The following UGT1A5 variants were observed in gnomAD, a reference collection of about 807,000 sequenced individuals.
The protein encoded by UGT1A5 is UDP-glucuronosyltransferase 1A5.
UGT1A5 carries 29 observed loss-of-function variants against 40.3 expected under a neutral mutation model. The observed-to-expected ratio is 0.72, with a 90% CI of 0.54 to 0.98. The LOEUF is 0.98. Among genes scored for constraint, UGT1A5 ranks in the 50% least tolerant of loss-of-function variants. The pLI is 0.00. For synonymous variants in UGT1A5, 257 were observed against 262.5 expected (o/e 0.98, Z 0.20); for missense variants, 678 against 677.9 (o/e 1.00, Z 0.00).
At chr2:233,724,493 G>A (rs1411892457) in intron 1 of UGT1A5, among the ~76,000 whole-genome samples, 16 of 76,170 alleles carry the variant, frequency 2.1e-4, no homozygotes, top group South Asian at 6.4e-4. Flanking sequence ...CGGGGCGGCC[G>A]GGCAGAGACG....
At chr2:233,761,229 T>C in intron 1 of UGT1A5, 2 of 1,613,382 alleles carry the variant, frequency 1.2e-6, no homozygotes, top group Non-Finnish European at 1.7e-6. Flanking sequence ...TAGCCCCAGA[T>C]ATATGCTGAG....
At position 233,769,547 on chromosome 2, in the gene UGT1A5, G is replaced by A; in HGVS notation, c.1307+1108G>A. 1 of 1,612,856 alleles carries A rather than the reference G, an allele frequency of 6.2e-7. No individual in the cohort carries two copies. Among genetic ancestry groups the A allele is most frequent in the Non-Finnish European group, 8.5e-7 (1 of 1,179,826 alleles). On this transcript the variant is annotated intron_variant, in intron 4 of 4. Coordinates refer to ENST00000373414, the MANE Select transcript of UGT1A5 (RefSeq NM_019078.2). This position sits in a 1 kb window ranked among gnomAD's most constrained non-coding sequence, Gnocchi z 4.4. ...CTCCTTTAGAAAGAAGCAGCAGTCA[G>A]GAAGACAGATGTGAAGAGCTGGAGC...
rs2076285126 is a variant in UGT1A5 at position 233,713,154 on chromosome 2, G to T, written c.163G>T (p.Gly55Cys). ...GGCCTTGCGGGACCTCCATGCGAGAGGCCACCAGGTGGTGGTCCTCACCCT... is the reference window on the plus strand; with the variant it reads ...GGCCTTGCGGGACCTCCATGCGAGATGCCACCAGGTGGTGGTCCTCACCCT... ...REALRDLHARGHQVVVLTLEV... is the reference protein window; with the variant it reads ...REALRDLHARCHQVVVLTLEV... The change falls in exon 1 of 5, where the codon GGC becomes TGC. Residue 55 changes from glycine to cysteine, a missense_variant. Coordinates refer to ENST00000373414, the MANE Select transcript of UGT1A5 (RefSeq NM_019078.2). 1 of 1,614,116 alleles carries T rather than the reference G, an allele frequency of 6.2e-7. No individual in the cohort carries two copies. Among genetic ancestry groups the T allele is most frequent in the Non-Finnish European group, 8.5e-7 (1 of 1,180,042 alleles).
Position 233,719,322 on chromosome 2 carries a change from C to T in UGT1A5, c.867+5464C>T, listed in dbSNP as rs773289420. On this transcript the variant is annotated intron_variant, in intron 1 of 4. Transcript: ENST00000373414. ...GGTGCTGGCTAAGTACCTGTCGATT[C>T]CTGCTGTGTTTTTTTGGAGGTACAT... The T allele has an allele frequency of 3.1e-6, 5 of 1,613,788 alleles. No individual in the cohort carries two copies. In the African/African-American group the frequency reaches 6.7e-5, roughly 22 times the overall value.
At chr2:233,719,813 A>G in intron 1 of UGT1A5, 1 of 1,586,286 alleles carries the variant, frequency 6.3e-7, no homozygotes, top group Non-Finnish European at 8.6e-7. Context: ...TCTTTATAAC[A>G]GATAAACTGT....
chr2:233,729,311 C>T (rs367893745), intron 1 of UGT1A5: 1 of 1,614,250 alleles, frequency 6.2e-7, no homozygotes, highest in South Asian at 1.1e-5. Flanking sequence ...GTGGTCCTCA[C>T]CCCAGAGGTG....
chr2:233,732,685 AC>A (rs1163255557), intron 1 of UGT1A5, among the ~76,000 whole-genome samples: 1 of 150,632 alleles, frequency 6.6e-6, no homozygotes, highest in African/African-American at 2.4e-5. Context: ...TGGTACCAGC[AC>A]CCATGCTGTT....
At chr2:233,771,921 C>T (rs1320163418) in intron 4 of UGT1A5, among the ~76,000 whole-genome samples, 1 of 151,966 alleles carries the variant, frequency 6.6e-6, no homozygotes, top group East Asian at 1.9e-4. Context: ...AGTAACACAG[C>T]CTGGGCAACA....
intron 1 of UGT1A5, chr2:233,755,162 G>T (rs1267717516): frequency 7.8e-7 from 1 of 1,279,938 alleles, no homozygotes; most frequent in Non-Finnish European, 1.1e-6. Context: ...CCCTGTCCTC[G>T]GGGTTTTTGT....
chr2:233,760,736 C>G lies in UGT1A5; in HGVS notation c.868-6298C>G, dbSNP rs371418452. 6 of 1,614,160 alleles carry G rather than the reference C, an allele frequency of 3.7e-6. No homozygotes were observed. Among genetic ancestry groups the G allele is most frequent in the Non-Finnish European group, 5.1e-6 (6 of 1,180,028 alleles). Reference sequence around the variant, plus strand: ...GAAAGCAGCTTTGATGTCATGCTGACGGACCCTTTCCTTCCTTGCAGCCCC... The same window carrying G: ...GAAAGCAGCTTTGATGTCATGCTGAGGGACCCTTTCCTTCCTTGCAGCCCC... On this transcript the variant is annotated intron_variant, in intron 1 of 4. Coordinates refer to ENST00000373414, the MANE Select transcript of UGT1A5 (RefSeq NM_019078.2).
At chr2:233,746,798 G>A (rs1477118047) in intron 1 of UGT1A5, among the ~76,000 whole-genome samples, 2 of 151,768 alleles carry the variant, frequency 1.3e-5, no homozygotes, top group East Asian at 1.9e-4. Context: ...ATTCATGAGC[G>A]TGAATGTGGA....
chr2:233,729,088 C>T (rs369653208), intron 1 of UGT1A5: 20 of 1,612,314 alleles, frequency 1.2e-5, no homozygotes, highest in African/African-American at 8.0e-5. Flanking sequence ...GCAGGCACAG[C>T]GTGGGGTGGA....
intron 1 of UGT1A5, chr2:233,747,824 C>T (rs1693787782): frequency 6.2e-7 from 1 of 1,613,430 alleles, no homozygotes; most frequent in Admixed American, 1.7e-5. Context: ...ATTCAGACCA[C>T]ATGACATTCC....
chr2:233,767,252 T>C (rs959458816), intron 2 of UGT1A5, 87 bp downstream of exon 2: 5 of 1,599,856 alleles, frequency 3.1e-6, no homozygotes, highest in East Asian at 2.2e-5. Context: ...ATTCTCTTAA[T>C]TGGAACCTTA....
chr2:233,719,548 T>C, intron 1 of UGT1A5: 1 of 1,613,762 alleles, frequency 6.2e-7, no homozygotes, highest in Non-Finnish European at 8.5e-7. Flanking sequence ...CAGAGAGAGG[T>C]GTCAGTGGTG....
intron 1 of UGT1A5, chr2:233,755,251 C>A (rs1287732511): frequency 2.4e-6 from 2 of 830,672 alleles, no homozygotes; most frequent in Non-Finnish European, 3.6e-6. Context: ...ACTCCCAGCA[C>A]CTCGTAGTAG....
At chr2:233,742,286 A>G (rs1691931805) in intron 1 of UGT1A5, among the ~76,000 whole-genome samples, 1 of 152,016 alleles carries the variant, frequency 6.6e-6, no homozygotes, top group African/African-American at 2.4e-5. Context: ...CATCATTTCT[A>G]TAGATTATAG....
At position 233,767,137 on chromosome 2, in the gene UGT1A5, C is replaced by T. The variant is rs761316504; in HGVS notation, c.971C>T (p.Ala324Val). The T allele has an allele frequency of 3.1e-6, 5 of 1,614,108 alleles. No homozygotes were observed. The highest frequency in any genetic ancestry group is 1.7e-5 in the Admixed American group (1 of 60,028). Reference protein sequence around the residue: ...EIPEKKAMAIADALGKIPQTV... With the variant: ...EIPEKKAMAIVDALGKIPQTV... ...CCAGAGAAGAAAGCTATGGCAATTGCTGATGCTTTGGGCAAAATCCCTCAG... is the reference window on the plus strand; with the variant it reads ...CCAGAGAAGAAAGCTATGGCAATTGTTGATGCTTTGGGCAAAATCCCTCAG... The change falls in exon 2 of 5, where the codon GCT becomes GTT. Residue 324 changes from alanine (A) to valine (V), a missense_variant. Coordinates refer to ENST00000373414, the MANE Select transcript of UGT1A5 (RefSeq NM_019078.2).
At chr2:233,761,312 C>T (rs1697739836) in intron 1 of UGT1A5, among the ~76,000 whole-genome samples, 2 of 152,232 alleles carry the variant, frequency 1.3e-5, no homozygotes, top group Non-Finnish European at 2.9e-5. Flanking sequence ...CTGTCTTTGG[C>T]ATCATCTTCT....
Sources: allele counts gnomAD v4.1 joint callset (sites outside exome capture counted in the v4.1 genomes callset), GRCh38; gene constraint gnomAD v4.1.1; non-coding constraint Gnocchi (gnomAD v3.1); transcripts MANE v1.5; gene names NCBI Gene and HGNC (gene_info 2026-07-23, HGNC 2026-07-21).